Variants in FHAD1 observed in about 807,000 individuals in gnomAD.
The protein encoded by FHAD1 is forkhead-associated domain-containing protein 1.
In FHAD1, 146 loss-of-function variants were observed where a neutral mutation model predicts 191.3. That is an observed-to-expected ratio of 0.76 (90% CI 0.67 to 0.88). FHAD1 has a LOEUF of 0.88. FHAD1 is among the 40% of genes least tolerant of loss of function. FHAD1 has a pLI of 0.00. For missense variants in FHAD1, 1,635 were observed against 1,785.8 expected (o/e 0.92, Z 1.52); for synonymous variants, 616 against 672.3 (o/e 0.92, Z 1.29).
At chr1:15,388,578 A>AG (rs372979665) in intron 32 of FHAD1, among the ~76,000 whole-genome samples, 1 of 151,422 alleles carries the variant, frequency 6.6e-6, no homozygotes, top group African/African-American at 2.4e-5. Context: ...GAATGAAATG[A>AG]GGGGGGTGAA....
chr1:15,368,590 G>A (rs1697195193), intron 25 of FHAD1, among the ~76,000 whole-genome samples: 1 of 152,188 alleles, frequency 6.6e-6, no homozygotes, highest in Admixed American at 6.5e-5. Flanking sequence ...CGTGGCCAAA[G>A]CAGATTCACA....
chr1:15,361,777 C>G (rs1694881431), intron 22 of FHAD1, among the ~76,000 whole-genome samples: 2 of 151,688 alleles, frequency 1.3e-5, no homozygotes, highest in South Asian at 4.2e-4. Flanking sequence ...GAGGCCGAGG[C>G]CGGCGGATCA....
downstream of FHAD1, among the ~76,000 whole-genome samples, chr1:15,402,278 G>A (rs1707145998): frequency 6.6e-6 from 1 of 152,184 alleles, no homozygotes; most frequent in African/African-American, 2.4e-5. Flanking sequence ...AACTGAAAAG[G>A]AAGTTGGAAT....
intron 28 of FHAD1, among the ~76,000 whole-genome samples, chr1:15,376,592 A>G (rs1258578814): frequency 1.3e-5 from 2 of 152,164 alleles, no homozygotes; most frequent in Non-Finnish European, 2.9e-5. Flanking sequence ...GAGCTGTGTG[A>G]CCTTGGGCAA....
At chr1:15,322,967 A>G (rs1056069908) in intron 10 of FHAD1, among the ~76,000 whole-genome samples, 2 of 152,158 alleles carry the variant, frequency 1.3e-5, no homozygotes, top group Non-Finnish European at 2.9e-5. Context: ...CACTTCTTAC[A>G]TGGCGGTGGC....
In FHAD1 at chr1:15,397,679, G is replaced by GATATAATTATCTACCAC. The variant is rs1291756544; in HGVS notation, c.*276_*277insCTACCACATATAATTAT. On this transcript the variant is annotated 3_prime_UTR_variant, in exon 34 of 34. Coordinates refer to ENST00000688493, the MANE Select transcript of FHAD1 (RefSeq NM_001391957.1). ...GTAACCCAGATGTCCAGGCCTGGTA[G>GATATAATTATCTACCAC]ATATAATTATGTGGTCCACGTTGGG... The GATATAATTATCTACCAC allele has an allele frequency of 8.1e-6, 2 of 248,276 alleles. No individual in the cohort carries two copies. Among genetic ancestry groups the GATATAATTATCTACCAC allele is most frequent in the African/African-American group, 2.2e-5 (1 of 45,150 alleles). The allele number at this position is 248,276 out of a possible 1,614,324, so 15.4% of individuals were successfully genotyped here.
intron 2 of FHAD1, among the ~76,000 whole-genome samples, chr1:15,260,565 AT>A (rs1460741802): frequency 6.6e-6 from 1 of 152,158 alleles, no homozygotes; most frequent in Non-Finnish European, 1.5e-5. Context: ...TGTTGGAAGA[AT>A]TTAGCTCGAT....
chr1:15,324,776 T>C (rs1677672343), intron 11 of FHAD1: 5 of 564,852 alleles, frequency 8.9e-6, no homozygotes, highest in Non-Finnish European at 1.6e-5. Flanking sequence ...ACTCGAATAG[T>C]TTACGATGAC....
chr1:15,296,619 A>G, intron 4 of FHAD1, 65 bp from the exon 5 acceptor site: 1 of 1,341,656 alleles, frequency 7.5e-7, no homozygotes, highest in African/African-American at 1.5e-5. Context: ...TAACGTGAAC[A>G]TCTTCTTCAG....
Position 15,374,502 on chromosome 1 carries a change from C to A in FHAD1, c.3448C>A (p.Gln1150Lys). Residue 1150 changes from glutamine (Q) to lysine (K), a missense_variant and splice_region_variant, in exon 27 of 34, where the codon CAG (glutamine) becomes AAG (lysine). Transcript: ENST00000688493. The stretch of plus-strand genomic sequence containing the variant: ...GCTGCCCGCCCCATTCTGCCCACAG[C>A]AGCAATCCTTCAGCGATCTAGGGGT... ...HTEAFSSSQEQQSFSDLGVRC... is the reference protein window; with the variant it reads ...HTEAFSSSQEKQSFSDLGVRC... 1 of 1,551,818 alleles carries A rather than the reference C, an allele frequency of 6.4e-7. No individual in the cohort carries two copies. Among genetic ancestry groups the A allele is most frequent in the Admixed American group, 2.0e-5 (1 of 51,004 alleles).
intron 8 of FHAD1, chr1:15,315,354 T>A (rs1558087375): frequency 6.6e-6 from 1 of 152,184 alleles, no homozygotes; most frequent in Non-Finnish European, 1.5e-5. Context: ...ATACATTTTT[T>A]AAACTTTAAA....
At chr1:15,317,951 A>ACACCACTCTCTGG in intron 10 of FHAD1, 23 bp downstream of exon 10, 1 of 1,483,538 alleles carries the variant, frequency 6.7e-7, no homozygotes, top group Non-Finnish European at 9.2e-7. Context: ...CAACAGGCCC[A>ACACCACTCTCTGG]GAGAGTGGTG....
At chr1:15,331,978 C>T (rs1681806586) in intron 14 of FHAD1, among the ~76,000 whole-genome samples, 1 of 152,044 alleles carries the variant, frequency 6.6e-6, no homozygotes, top group South Asian at 2.1e-4. Flanking sequence ...TCCTTCTTGC[C>T]AAATCACCCT....
At chr1:15,397,003 T>C (rs1003539917) in intron 33 of FHAD1, among the ~76,000 whole-genome samples, 16 of 131,618 alleles carry the variant, frequency 1.2e-4, no homozygotes, top group African/African-American at 4.1e-4. Flanking sequence ...GCTAACACGG[T>C]GAAACCCCGT....
chr1:15,302,005 A>T (rs530762286), intron 6 of FHAD1, among the ~76,000 whole-genome samples: 1 of 152,132 alleles, frequency 6.6e-6, no homozygotes, highest in East Asian at 1.9e-4. Flanking sequence ...ACAGAGTGAG[A>T]CCCTGTCTCA....
intron 1 of FHAD1, among the ~76,000 whole-genome samples, chr1:15,237,996 A>T (rs1402150725): frequency 6.6e-6 from 1 of 152,036 alleles, no homozygotes; most frequent in East Asian, 1.9e-4. Context: ...CATGCCTGTA[A>T]TCCCAGCACT....
intron 28 of FHAD1, among the ~76,000 whole-genome samples, chr1:15,375,989 C>T (rs1699462570): frequency 6.6e-6 from 1 of 151,658 alleles, no homozygotes; most frequent in Admixed American, 6.6e-5. Flanking sequence ...GGCGGGCCCC[C>T]TTTCCAGATC....
intron 26 of FHAD1, among the ~76,000 whole-genome samples, chr1:15,370,144 T>C (rs187763738): frequency 4.6e-5 from 7 of 152,094 alleles, no homozygotes; most frequent in African/African-American, 1.7e-4. Context: ...ACCTGACGAA[T>C]TTTTGTATTT....
At chr1:15,246,532 G>A (rs572844992), upstream of FHAD1, among the ~76,000 whole-genome samples, 4 of 145,418 alleles carry the variant, frequency 2.8e-5, no homozygotes, top group Non-Finnish European at 6.2e-5. Context: ...TCCATCCCGC[G>A]AGTCCTGTGC....
Sources: gnomAD v4.1 joint callset for allele counts (sites outside exome capture counted in the v4.1 genomes callset) on GRCh38, gnomAD v4.1.1 for gene constraint, MANE v1.5 for transcripts, NCBI Gene and HGNC (gene_info 2026-07-23, HGNC 2026-07-21) for gene names.